TMEM132C: variants seen among roughly 807,000 people sequenced by gnomAD.
TMEM132C encodes the protein protein phosphatase 1, regulatory subunit 152.
TMEM132C carries 29 observed loss-of-function variants against 61.4 expected under a neutral mutation model. That is an observed-to-expected ratio of 0.47 (90% confidence interval 0.35 to 0.64). The LOEUF (loss-of-function observed/expected upper bound fraction) is 0.64, where lower values mean the gene tolerates loss of function less well. Among genes scored for constraint, TMEM132C ranks in the 30% least tolerant of loss-of-function variants. The pLI, the probability that TMEM132C is intolerant of heterozygous loss-of-function variation, is 0.00. For missense variants in TMEM132C, 1,408 were observed against 1,476.9 expected (o/e 0.95, Z 0.76); for synonymous variants, 656 against 633.1 (o/e 1.04, Z -0.54).
intron 2 of TMEM132C, among the ~76,000 whole-genome samples, chr12:128,468,649 C>A (rs1490152672): frequency 6.6e-6 from 1 of 152,090 alleles, no homozygotes; most frequent in Non-Finnish European, 1.5e-5. Context: ...AACAAACAAA[C>A]AAAAAATCTC....
intron 3 of TMEM132C, among the ~76,000 whole-genome samples, chr12:128,569,063 C>T (rs1048662451): frequency 2.6e-5 from 4 of 152,150 alleles, no homozygotes; most frequent in African/African-American, 9.7e-5. Context: ...GTTGAGGACA[C>T]ATTCCATGAG....
Position 128,617,310 on chromosome 12 carries a change from A to G in TMEM132C, c.1305+975A>G, listed in dbSNP as rs543467995. Among the ~76,000 whole-genome samples, 17 of 152,324 alleles carry G rather than the reference A, an allele frequency of 1.1e-4. No homozygotes were observed. The East Asian group carries it at 2.5e-3, about 22-fold the overall frequency. On this transcript the variant is annotated intron_variant, in intron 4 of 8. Coordinates refer to ENST00000435159, the MANE Select transcript of TMEM132C (RefSeq NM_001136103.3). The stretch of plus-strand genomic sequence containing the variant: ...TGTTAGTCACAAGGTGGCCCCGGCA[A>G]TGCCACGCTGGCTTCTTCACAGCAT...
At chr12:128,580,739 G>A (rs907039259) in intron 3 of TMEM132C, among the ~76,000 whole-genome samples, 5 of 152,156 alleles carry the variant, frequency 3.3e-5, no homozygotes, top group Non-Finnish European at 7.3e-5. Flanking sequence ...ACCGCTCCCT[G>A]AGACTAAACT....
intron 2 of TMEM132C, among the ~76,000 whole-genome samples, chr12:128,471,011 C>T (rs965514279): frequency 7.9e-5 from 12 of 152,224 alleles, no homozygotes; most frequent in African/African-American, 2.9e-4. Flanking sequence ...ATCAGGGTTT[C>T]TCAACCTTGG....
intron 3 of TMEM132C, among the ~76,000 whole-genome samples, chr12:128,597,338 T>C (rs1593114073): frequency 6.7e-6 from 1 of 149,862 alleles, no homozygotes; most frequent in Admixed American, 6.7e-5. Flanking sequence ...ATTAACCGGG[T>C]ATGGTGGCAC....
chr12:128,519,869 G>T (rs748658996), intron 2 of TMEM132C, among the ~76,000 whole-genome samples: 4 of 152,204 alleles, frequency 2.6e-5, no homozygotes, highest in Non-Finnish European at 4.4e-5. Flanking sequence ...GATGTTGCCT[G>T]TGCGGCCCTG....
At chr12:128,586,002 C>T (rs1349661522) in intron 3 of TMEM132C, among the ~76,000 whole-genome samples, 1 of 152,156 alleles carries the variant, frequency 6.6e-6, no homozygotes, top group Admixed American at 6.5e-5. Flanking sequence ...GAATGTGCTT[C>T]ATGCTGAGGA....
chr12:128,531,580 C>T (rs1238346353), intron 2 of TMEM132C, among the ~76,000 whole-genome samples: 8 of 152,226 alleles, frequency 5.3e-5, no homozygotes, highest in Admixed American at 2.0e-4. Context: ...AAGGCACATG[C>T]GTGTGCACAC....
intron 2 of TMEM132C, among the ~76,000 whole-genome samples, chr12:128,534,646 G>T (rs12366321): frequency 6.6e-6 from 1 of 152,164 alleles, no homozygotes; most frequent in Non-Finnish European, 1.5e-5. Flanking sequence ...AGTGTTTACC[G>T]CCCACTTCCA....
rs1216250444 is a variant in TMEM132C at position 128,472,762 on chromosome 12, G to T, written c.974+57142G>T. ...GGCCTGGATTTATTTGAGAGCAGGT[G>T]TGCAGGCTCCTTTGCCTGGGAACAG... On this transcript the variant is annotated intron_variant, in intron 2 of 8. Coordinates refer to ENST00000435159, the MANE Select transcript of TMEM132C (RefSeq NM_001136103.3). 2.0e-5 allele frequency among the ~76,000 whole-genome samples: 3 copies of T among 152,290 alleles called. No individual in the cohort carries two copies. In the East Asian group the frequency reaches 5.8e-4, roughly 29 times the overall value.
At chr12:128,306,324 C>A (rs1299407608) in intron 1 of TMEM132C, among the ~76,000 whole-genome samples, 1 of 151,866 alleles carries the variant, frequency 6.6e-6, no homozygotes, top group African/African-American at 2.4e-5. Flanking sequence ...GCCTCAGCCT[C>A]CCGAGTAGCT....
chr12:128,468,807 GA>G (rs1661526496), intron 2 of TMEM132C, among the ~76,000 whole-genome samples: 1 of 152,088 alleles, frequency 6.6e-6, no homozygotes, highest in African/African-American at 2.4e-5. Context: ...TAGAAAAAAA[GA>G]AAACACTATC....
chr12:128,362,747 CTT>C (rs1228459131), intron 1 of TMEM132C, among the ~76,000 whole-genome samples: 2 of 152,170 alleles, frequency 1.3e-5, no homozygotes, highest in Admixed American at 6.5e-5. Flanking sequence ...AGATTTTAGA[CTT>C]TTCAGGTTAG....
At chr12:128,341,550 T>C (rs1291835619) in intron 1 of TMEM132C, among the ~76,000 whole-genome samples, 1 of 152,174 alleles carries the variant, frequency 6.6e-6, no homozygotes, top group Non-Finnish European at 1.5e-5. Flanking sequence ...AAAAAATATA[T>C]TACGCAAGCT....
At chr12:128,553,302 C>T (rs1201267973) in intron 3 of TMEM132C, among the ~76,000 whole-genome samples, 2 of 152,072 alleles carry the variant, frequency 1.3e-5, no homozygotes, top group African/African-American at 2.4e-5. Flanking sequence ...ATTTTCTTCT[C>T]CTTACCTTTT....
At chr12:128,542,652 G>A (rs993673760) in intron 2 of TMEM132C, among the ~76,000 whole-genome samples, 6 of 151,826 alleles carry the variant, frequency 4.0e-5, no homozygotes, top group Non-Finnish European at 5.9e-5. Context: ...ACAAGGTCAG[G>A]ATATTGAGAC....
intron 3 of TMEM132C, among the ~76,000 whole-genome samples, chr12:128,588,446 AT>A (rs1333358894): frequency 3.9e-5 from 6 of 152,186 alleles, no homozygotes; most frequent in African/African-American, 1.4e-4. Flanking sequence ...AAAATTTTTA[AT>A]TAAAAAAAAT....
At chr12:128,598,037 C>T (rs1876035516) in intron 3 of TMEM132C, among the ~76,000 whole-genome samples, 1 of 152,186 alleles carries the variant, frequency 6.6e-6, no homozygotes, top group Non-Finnish European at 1.5e-5. Context: ...CAGAGCACGT[C>T]CTCCTAACGT....
chr12:128,699,482 C>A (rs1395907837), intron 8 of TMEM132C, among the ~76,000 whole-genome samples: 1 of 152,154 alleles, frequency 6.6e-6, no homozygotes, highest in African/African-American at 2.4e-5. Context: ...TGGCTGGAAT[C>A]CTCTCTTAGT....
Sources: gnomAD v4.1 joint callset for allele counts (sites outside exome capture counted in the v4.1 genomes callset) on GRCh38, gnomAD v4.1.1 for gene constraint, MANE v1.5 for transcripts, NCBI Gene and HGNC (gene_info 2026-07-23, HGNC 2026-07-21) for gene names.